Variants in KCND2 observed in about 807,000 individuals in gnomAD.
KCND2 encodes the protein A-type voltage-gated potassium channel KCND2.
KCND2 carries 16 observed loss-of-function variants against 54.4 expected under a neutral mutation model. The ratio of observed to expected loss-of-function variants is 0.29; its 90% CI spans 0.20 to 0.45. KCND2 has a LOEUF of 0.45. KCND2 is among the 20% of genes least tolerant of loss of function. The probability of loss-of-function intolerance (pLI) is 1.00; values close to 1 mark genes in which losing one functional copy is unlikely to be tolerated. For synonymous variants in KCND2, 317 were observed against 310.7 expected (o/e 1.02, Z -0.21); for missense variants, 486 against 824.2 (o/e 0.59, Z 5.02).
At chr7:120,419,658 ATG>A (rs1285378352) in intron 1 of KCND2, among the ~76,000 whole-genome samples, 2 of 152,202 alleles carry the variant, frequency 1.3e-5, no homozygotes, top group Non-Finnish European at 2.9e-5. Context: ...ACATGCATGT[ATG>A]TGTGTATATA....
chr7:120,594,287 A>G (rs952627098), intron 1 of KCND2, among the ~76,000 whole-genome samples: 45 of 152,216 alleles, frequency 3.0e-4, no homozygotes, highest in African/African-American at 1.0e-3. Context: ...ATTCCTAGGT[A>G]GATAGTGGAA....
intron 1 of KCND2, among the ~76,000 whole-genome samples, chr7:120,322,177 T>A (rs1039856070): frequency 6.6e-5 from 10 of 151,816 alleles, no homozygotes; most frequent in South Asian, 2.1e-4. Context: ...AACCTTTTTT[T>A]AAAAAAAAGC....
chr7:120,705,442 A>G (rs1252748205), intron 1 of KCND2, among the ~76,000 whole-genome samples: 3 of 152,286 alleles, frequency 2.0e-5, no homozygotes, highest in East Asian at 1.9e-4. Context: ...CTGAGTTCCA[A>G]TCCAGCTTCA....
At chr7:120,297,072 G>A (rs982520865) in intron 1 of KCND2, among the ~76,000 whole-genome samples, 2 of 151,828 alleles carry the variant, frequency 1.3e-5, no homozygotes, top group African/African-American at 4.8e-5. Context: ...TTTGTTACAC[G>A]GATATATTGG....
chr7:120,712,831 TG>T (rs1473652629), intron 1 of KCND2, among the ~76,000 whole-genome samples: 7 of 152,192 alleles, frequency 4.6e-5, no homozygotes, highest in Non-Finnish European at 1.0e-4. Context: ...ATTTCCTTCT[TG>T]AAAGACTTAT....
intron 1 of KCND2, among the ~76,000 whole-genome samples, chr7:120,393,730 G>A (rs1801111648): frequency 6.6e-6 from 1 of 151,940 alleles, no homozygotes; most frequent in Non-Finnish European, 1.5e-5. Flanking sequence ...TCCCAGAACT[G>A]TCTCTAGATA....
intron 1 of KCND2, among the ~76,000 whole-genome samples, chr7:120,512,615 G>A (rs544340132): frequency 3.3e-5 from 5 of 151,940 alleles, no homozygotes; most frequent in Admixed American, 1.3e-4. Flanking sequence ...ATATGTAGAC[G>A]GGTTCATTTA....
intron 1 of KCND2, among the ~76,000 whole-genome samples, chr7:120,450,134 C>T (rs10281231): frequency 0.062 from 9,441 of 152,206 alleles, 878 homozygotes; most frequent in African/African-American, 0.21. Flanking sequence ...TGGTTTTCAC[C>T]GGGCACAGTG....
chr7:120,491,136 A>T (rs140305839), intron 1 of KCND2, among the ~76,000 whole-genome samples: 2 of 152,154 alleles, frequency 1.3e-5, no homozygotes, highest in East Asian at 3.9e-4. Context: ...AATTTTGATC[A>T]GATAGATTTA....
rs185993589 is a variant in KCND2 at position 120,439,898 on chromosome 7, G to A, written c.1115+164151G>A. Reference sequence around the variant, plus strand: ...ATATCTACACTTTATCCCTTCATCTGTTGATGGACATGTTGGTTGTTTCCA... The same window carrying A: ...ATATCTACACTTTATCCCTTCATCTATTGATGGACATGTTGGTTGTTTCCA... On this transcript the variant is annotated intron_variant, in intron 1 of 5. Coordinates refer to ENST00000331113, the MANE Select transcript of KCND2 (RefSeq NM_012281.3). 5.9e-5 allele frequency among the ~76,000 whole-genome samples: 9 copies of A among 152,074 alleles called. 1 individual carries two copies. Among genetic ancestry groups the A allele is most frequent in the Admixed American group, 2.0e-4 (3 of 15,272 alleles).
chr7:120,693,016 T>C (rs777159411), intron 1 of KCND2, among the ~76,000 whole-genome samples: 2 of 152,114 alleles, frequency 1.3e-5, no homozygotes, highest in Admixed American at 6.6e-5. Flanking sequence ...AAACAACTAC[T>C]CACAAAAAAG....
At chr7:120,503,288 C>A (rs1394307756) in intron 1 of KCND2, among the ~76,000 whole-genome samples, 2 of 151,776 alleles carry the variant, frequency 1.3e-5, no homozygotes, top group Non-Finnish European at 1.5e-5. Context: ...TAAAATGTGG[C>A]ATTAAATGCT....
At chr7:120,316,990 G>A (rs955182483) in intron 1 of KCND2, among the ~76,000 whole-genome samples, 10 of 151,804 alleles carry the variant, frequency 6.6e-5, no homozygotes, top group South Asian at 2.1e-4. Flanking sequence ...CGCATTCAAC[G>A]ATGCCCAGCT....
At chr7:120,500,935 A>C (rs918146753) in intron 1 of KCND2, among the ~76,000 whole-genome samples, 1 of 151,994 alleles carries the variant, frequency 6.6e-6, no homozygotes, top group Non-Finnish European at 1.5e-5. Flanking sequence ...TTGTACTACA[A>C]ATAATGGTTA....
At chr7:120,408,673 GCCC>G (rs1801399413) in intron 1 of KCND2, among the ~76,000 whole-genome samples, 1 of 151,502 alleles carries the variant, frequency 6.6e-6, no homozygotes, top group African/African-American at 2.4e-5. Flanking sequence ...ACACTCCCCT[GCCC>G]CCCAACAGAC....
chr7:120,478,601 T>TA lies in KCND2; in HGVS notation c.1115+202854_1115+202855insA, dbSNP rs1459421477. Among the ~76,000 whole-genome samples, 1,184 of 152,232 alleles carry TA rather than the reference T, an allele frequency of 7.8e-3. 18 individuals carry two copies. The highest frequency in any genetic ancestry group is 0.027 in the African/African-American group (1,126 of 41,546). On this transcript the variant is annotated intron_variant, in intron 1 of 5. Transcript: ENST00000331113. ...GTAGTATGAAAAATGAAGAACTTTT[T>TA]TAAAGATTTAAACCTCTAACAGGTG... is the stretch of plus-strand genomic sequence containing the variant.
chr7:120,588,712 A>C (rs1363730119), intron 1 of KCND2, among the ~76,000 whole-genome samples: 1 of 152,136 alleles, frequency 6.6e-6, no homozygotes, highest in African/African-American at 2.4e-5. Context: ...TGAAAACTCT[A>C]AAAGAGGGTG....
At chr7:120,507,111 C>G (rs1803034281) in intron 1 of KCND2, among the ~76,000 whole-genome samples, 1 of 151,836 alleles carries the variant, frequency 6.6e-6, no homozygotes, top group African/African-American at 2.4e-5. Context: ...AAGTAGAACA[C>G]AAATGATCAT....
intron 1 of KCND2, among the ~76,000 whole-genome samples, chr7:120,659,588 G>A (rs765916792): frequency 6.6e-6 from 1 of 152,204 alleles, no homozygotes; most frequent in Non-Finnish European, 1.5e-5. Context: ...TGATTAAGAT[G>A]TAGTGTTCAT....
Sources: gnomAD v4.1 joint callset for allele counts (sites outside exome capture counted in the v4.1 genomes callset) on GRCh38, gnomAD v4.1.1 for gene constraint, MANE v1.5 for transcripts, NCBI Gene and HGNC (gene_info 2026-07-23, HGNC 2026-07-21) for gene names.